Variants in CDC42EP1 observed in about 807,000 individuals in gnomAD.
CDC42EP1 encodes 55 kDa bone marrow stromal/endothelial cell protein.
Under a neutral mutation model 7.4 loss-of-function variants are expected in CDC42EP1, and 6 were observed. That is an observed-to-expected ratio of 0.81 (90% CI 0.44 to 1.60). The LOEUF is 1.60. Among genes scored for constraint, CDC42EP1 ranks in the 40% most tolerant of loss-of-function variants. The probability of loss-of-function intolerance (pLI) is 0.01; values close to 1 mark genes in which losing one functional copy is unlikely to be tolerated. For missense variants in CDC42EP1, 567 were observed against 539.0 expected (o/e 1.05, Z -0.51); for synonymous variants, 238 against 227.1 (o/e 1.05, Z -0.43).
chr22:37,568,258 C>A lies in CDC42EP1; in HGVS notation c.614C>A (p.Ser205Ter), dbSNP rs970244213. ...SFRLDLDLGP[S>*]LLSELLGVMS... ...CGCCTGGACCTCGACCTTGGGCCCT[C>A]ACTCCTCAGCGAGCTGCTAGGGGTC... The change falls in exon 3 of 3, where the codon TCA becomes TAA. Residue 205 changes from serine to a stop codon, truncating the protein, a stop_gained. Transcript: ENST00000249014. LOFTEE classifies it low-confidence loss of function (END_TRUNC). 4 of 1,613,772 alleles carry A rather than the reference C, an allele frequency of 2.5e-6. No homozygotes were observed. Among genetic ancestry groups the A allele is most frequent in the Non-Finnish European group, 2.5e-6 (3 of 1,179,996 alleles).
At position 37,566,149 on chromosome 22, in the gene CDC42EP1, TGAGGG is replaced by T. The variant is rs1212305101; in HGVS notation, c.-199_-195del. ...GCGCTTGAACATCTATAGCTGCTTC[TGAGGG>T]GCTGGGAGCCGGGCCCCTGGGAGAG... is the stretch of plus-strand genomic sequence containing the variant. On this transcript the variant is annotated 5_prime_UTR_variant, in exon 2 of 3. Coordinates refer to ENST00000249014, the MANE Select transcript of CDC42EP1 (RefSeq NM_152243.3). This position sits in a 1 kb window ranked among gnomAD's most constrained non-coding sequence, Gnocchi z 6.4. The T allele has an allele frequency of 5.8e-4, 260 of 449,856 alleles. 1 individual carries two copies. The highest frequency in any genetic ancestry group is 5.0e-3 in the African/African-American group (248 of 49,410). The allele number at this position is 449,856 out of a possible 1,614,324, so 27.9% of individuals were successfully genotyped here.
Position 37,566,060 on chromosome 22 carries a change from T to C in CDC42EP1, c.-278-12T>C, listed in dbSNP as rs1925221876. 3 of 334,112 alleles carry C rather than the reference T, an allele frequency of 9.0e-6. No individual in the cohort carries two copies. In the East Asian group the frequency reaches 1.4e-4, roughly 16 times the overall value. The allele number at this position is 334,112 out of a possible 1,614,324, so 20.7% of individuals were successfully genotyped here. A position where few individuals can be genotyped will look rare whatever the true frequency, so the allele number is the denominator to read the frequency against. The stretch of plus-strand genomic sequence containing the variant: ...GGGCCTGCCGTCACCGCCCATTCTG[T>C]CTTCCTTCCAGGTCTCCACCTCTGG... On this transcript the variant is annotated splice_polypyrimidine_tract_variant and intron_variant, in intron 1 of 2. Coordinates refer to ENST00000249014, the MANE Select transcript of CDC42EP1 (RefSeq NM_152243.3). This position sits in a 1 kb window ranked among gnomAD's most constrained non-coding sequence, Gnocchi z 6.4.
rs1345277993 is a variant in CDC42EP1 at position 37,568,852 on chromosome 22, A to T, written c.*32A>T. On this transcript the variant is annotated 3_prime_UTR_variant, in exon 3 of 3. Transcript: ENST00000249014. ...GGGGCACGGTCCCAGGGCCCCACCT[A>T]GGTGCAGAGCCGGCCCCTCACCTAA... 1 of 1,405,194 alleles carries T rather than the reference A, an allele frequency of 7.1e-7. No homozygotes were observed. Among genetic ancestry groups the T allele is most frequent in the African/African-American group, 1.4e-5 (1 of 69,556 alleles). The allele number at this position is 1,405,194 out of a possible 1,614,324, so 87.0% of individuals were successfully genotyped here. A position where few individuals can be genotyped will look rare whatever the true frequency, so the allele number is the denominator to read the frequency against.
At chr22:37,564,960 G>A (rs1336442349) in intron 1 of CDC42EP1, among the ~76,000 whole-genome samples, 1 of 151,934 alleles carries the variant, frequency 6.6e-6, no homozygotes, top group African/African-American at 2.4e-5. Flanking sequence ...TTGTATTTCT[G>A]GTAGAGACGG....
In CDC42EP1 at chr22:37,565,445, A is replaced by G. The variant is rs189349398; in HGVS notation, c.-278-627A>G. On this transcript the variant is annotated intron_variant, in intron 1 of 2. Transcript: ENST00000249014. ...GAGTGCTTCTATTTTTTCCTGATAC[A>G]TGGCTTAAGTGTATAGCTCAATGAA... Among the ~76,000 whole-genome samples the G allele has an allele frequency of 5.6e-3, 843 of 151,742 alleles. 4 individuals carry two copies. The highest frequency in any genetic ancestry group is 6.9e-3 in the Middle Eastern group (2 of 288).
rs775196114 is a variant in CDC42EP1 at position 37,566,627 on chromosome 22, G to A, written c.278G>A (p.Gly93Glu). 2.8e-5 allele frequency: 44 copies of A among 1,595,446 alleles called. No homozygotes were observed. The highest frequency in any genetic ancestry group is 1.7e-5 in the Admixed American group (1 of 58,684). Residue 93 changes from glycine to glutamate, a missense_variant, in exon 2 of 3, where the codon GGG becomes GAG. Gly to Glu is a moderately conservative substitution (Grantham distance 98). Coordinates refer to ENST00000249014, the MANE Select transcript of CDC42EP1 (RefSeq NM_152243.3). This position sits in a 1 kb window ranked among gnomAD's most constrained non-coding sequence, Gnocchi z 6.4. ...AAGCTGCAGCTGGTGCGGAGGGTGG[G>A]GGCGCCCCCCCGGAGGATGGCATCT... ...AKKLQLVRRV[G>E]APPRRMASPP...
intron 1 of CDC42EP1, chr22:37,563,624 A>G (rs931358274): frequency 2.6e-5 from 4 of 152,144 alleles, no homozygotes; most frequent in Admixed American, 2.6e-4. Context: ...TATTTAACCT[A>G]TTTTGAATTT....
In CDC42EP1 at chr22:37,566,048, C is replaced by T. The variant is rs1365156745; in HGVS notation, c.-278-24C>T. On this transcript the variant is annotated intron_variant, in intron 1 of 2. Transcript: ENST00000249014. This position sits in a 1 kb window ranked among gnomAD's most constrained non-coding sequence, Gnocchi z 6.4. Reference sequence around the variant, plus strand: ...CTCCTCTGTCGCGGGCCTGCCGTCACCGCCCATTCTGTCTTCCTTCCAGGT... The same window carrying T: ...CTCCTCTGTCGCGGGCCTGCCGTCATCGCCCATTCTGTCTTCCTTCCAGGT... 3 of 316,370 alleles carry T rather than the reference C, an allele frequency of 9.5e-6. No homozygotes were observed. The highest frequency in any genetic ancestry group is 1.7e-5 in the Non-Finnish European group (3 of 173,346). The allele number at this position is 316,370 out of a possible 1,614,324, so 19.6% of individuals were successfully genotyped here.
intron 1 of CDC42EP1, among the ~76,000 whole-genome samples, chr22:37,563,343 G>T (rs1190525601): frequency 6.6e-6 from 1 of 152,186 alleles, no homozygotes; most frequent in African/African-American, 2.4e-5. Context: ...CTGTCAAATA[G>T]GCCACGCTGC....
intron 1 of CDC42EP1, chr22:37,563,877 G>A (rs1925132643): frequency 1.3e-5 from 2 of 152,232 alleles, no homozygotes; most frequent in East Asian, 1.9e-4. Flanking sequence ...TGGCATGCAG[G>A]TTATCATGGA....
rs1180144194 is a variant in CDC42EP1, at chr22:37,566,407, C to T, written c.58C>T (p.Pro20Ser). Residue 20 changes from proline (P) to serine (S), a missense_variant, in exon 2 of 3, where the codon CCT becomes TCT. By Grantham distance (74) the Pro-to-Ser change is moderately conservative. Coordinates refer to ENST00000249014, the MANE Select transcript of CDC42EP1 (RefSeq NM_152243.3). This position sits in a 1 kb window ranked among gnomAD's most constrained non-coding sequence, Gnocchi z 6.4. ...CACCATGAGCCTGGGCAAGCTCTCGCCTGTGGGCTGGGTGTCCAGTTCACA... is the reference window on the plus strand; with the variant it reads ...CACCATGAGCCTGGGCAAGCTCTCGTCTGTGGGCTGGGTGTCCAGTTCACA... ...AATMSLGKLSPVGWVSSSQGK... is the reference protein window; with the variant it reads ...AATMSLGKLSSVGWVSSSQGK... 1 of 1,601,254 alleles carries T rather than the reference C, an allele frequency of 6.2e-7. No individual in the cohort carries two copies. Among genetic ancestry groups the T allele is most frequent in the East Asian group, 2.3e-5 (1 of 44,366 alleles).
chr22:37,568,992 A>G lies in CDC42EP1; in HGVS notation c.*172A>G. On this transcript the variant is annotated 3_prime_UTR_variant, in exon 3 of 3. Coordinates refer to ENST00000249014, the MANE Select transcript of CDC42EP1 (RefSeq NM_152243.3). ...CAGGGAAGGCCAGGCTTGCTCTGGGACTTTTATGCTCCCAGAGGCCCTGCC... is the reference window on the plus strand; with the variant it reads ...CAGGGAAGGCCAGGCTTGCTCTGGGGCTTTTATGCTCCCAGAGGCCCTGCC... 2 of 440,918 alleles carry G rather than the reference A, an allele frequency of 4.5e-6. No homozygotes were observed. The highest frequency in any genetic ancestry group is 3.9e-6 in the Non-Finnish European group (1 of 255,978). 27.3% of individuals were successfully genotyped at this position (440,918 alleles called of 1,614,324 possible).
intron 1 of CDC42EP1, among the ~76,000 whole-genome samples, chr22:37,561,712 A>C (rs1417656085): frequency 1.3e-5 from 2 of 152,126 alleles, no homozygotes; most frequent in Middle Eastern, 3.4e-3. Context: ...GGGGGGCGTC[A>C]CCCAGCTGGA....
rs554282751 is a variant in CDC42EP1 at position 37,568,280 on chromosome 22, G to A, written c.636G>A (p.Gly212=). ...LGPSLLSELL[G]VMSLPEAPAA... is the part of the protein sequence containing the mutation. ...CCTCACTCCTCAGCGAGCTGCTAGG[G>A]GTCATGAGCCTCCCAGAAGCCCCTG... The change falls in exon 3 of 3, where the codon GGG becomes GGA. Residue 212 remains glycine (G), a synonymous_variant. Transcript: ENST00000249014. 4.6e-5 allele frequency: 74 copies of A among 1,613,554 alleles called. 1 individual carries two copies. The South Asian group carries it at 7.5e-4, about 16-fold the overall frequency.
Position 37,566,687 on chromosome 22 carries a change from C to T in CDC42EP1, c.338C>T (p.Ser113Phe). The T allele has an allele frequency of 1.2e-6, 2 of 1,611,406 alleles. No homozygotes were observed. Among genetic ancestry groups the T allele is most frequent in the South Asian group, 1.1e-5 (1 of 90,766 alleles). ...CCCTCCCCGGCTCCACCGGCCATCT[C>T]CCCCATCATCAAGAACGCCATCTCC... ...PAPSPAPPAISPIIKNAISLP... is the reference protein window; with the variant it reads ...PAPSPAPPAIFPIIKNAISLP... Residue 113 changes from serine to phenylalanine, a missense_variant, in exon 2 of 3, where the codon TCC becomes TTC. Transcript: ENST00000249014. The surrounding 1 kb of genome is among the most constrained non-coding windows in gnomAD (Gnocchi z 6.4).
At chr22:37,564,017 G>T (rs1925137887) in intron 1 of CDC42EP1, among the ~76,000 whole-genome samples, 1 of 152,204 alleles carries the variant, frequency 6.6e-6, no homozygotes, top group South Asian at 2.1e-4. Flanking sequence ...ATCTCGGGAG[G>T]CGAGACTGGG....
intron 1 of CDC42EP1, chr22:37,565,528 A>G (rs1237455432): frequency 2.7e-5 from 4 of 148,494 alleles, no homozygotes; most frequent in African/African-American, 1.0e-4. Context: ...TCTGATTGCT[A>G]ATAGCATCAA....
intron 1 of CDC42EP1, chr22:37,564,577 C>G (rs527823732): frequency 6.6e-6 from 1 of 152,492 alleles, no homozygotes; most frequent in South Asian, 2.1e-4. Context: ...GGCTTCGCTG[C>G]GTGGCAGAGA....
At chr22:37,562,042 C>T (rs1455095538) in intron 1 of CDC42EP1, among the ~76,000 whole-genome samples, 1 of 152,192 alleles carries the variant, frequency 6.6e-6, no homozygotes, top group Non-Finnish European at 1.5e-5. Context: ...TGTGTGGTGA[C>T]CTCCTTGCCC....
Sources: allele counts gnomAD v4.1 joint callset (sites outside exome capture counted in the v4.1 genomes callset), GRCh38; gene constraint gnomAD v4.1.1; non-coding constraint Gnocchi (gnomAD v3.1); transcripts MANE v1.5; gene names NCBI Gene and HGNC (gene_info 2026-07-23, HGNC 2026-07-21).